Variants in DNAJC3 observed in about 807,000 individuals in gnomAD.
DNAJC3 encodes DnaJ heat shock protein family (Hsp40) member C3.
DNAJC3 carries 38 observed loss-of-function variants against 68.6 expected under a neutral mutation model. That is an observed-to-expected ratio of 0.55 (90% CI 0.43 to 0.73). DNAJC3 has a LOEUF of 0.73. Among genes scored for constraint, DNAJC3 ranks in the 30% least tolerant of loss-of-function variants. The pLI is 0.00. For synonymous variants in DNAJC3, 203 were observed against 204.0 expected (o/e 1.00, Z 0.04); for missense variants, 526 against 591.9 (o/e 0.89, Z 1.16).
In DNAJC3 at chr13:95,765,642, G is replaced by T. The variant is rs989823344; in HGVS notation, c.1075+1689G>T. On this transcript the variant is annotated intron_variant, in intron 9 of 11. Transcript: ENST00000602402. ...GCTGGAGTGCAGTGGCACAATCTTG[G>T]CTCACTGCAACCTCCACCTCCCAAT... Among the ~76,000 whole-genome samples, 3 of 148,360 alleles carry T rather than the reference G, an allele frequency of 2.0e-5. No homozygotes were observed. The East Asian group carries it at 5.9e-4, about 29-fold the overall frequency.
chr13:95,727,459 A>AT (rs909869053), intron 4 of DNAJC3, among the ~76,000 whole-genome samples: 8 of 152,078 alleles, frequency 5.3e-5, no homozygotes, highest in East Asian at 1.9e-4. Context: ...AAAGCAAACT[A>AT]TTTTTTTAGC....
At chr13:95,686,300 G>C (rs986538248) in intron 1 of DNAJC3, among the ~76,000 whole-genome samples, 2 of 152,172 alleles carry the variant, frequency 1.3e-5, no homozygotes, top group African/African-American at 2.4e-5. Context: ...TTTTCTTCTT[G>C]TTGAGTTGTT....
intron 4 of DNAJC3, among the ~76,000 whole-genome samples, chr13:95,737,508 T>A (rs1252269564): frequency 1.3e-5 from 2 of 151,804 alleles, no homozygotes; most frequent in African/African-American, 4.9e-5. Flanking sequence ...CTCCTGTTAT[T>A]GGTCTATTCA....
intron 2 of DNAJC3, 67 bp downstream of exon 2, chr13:95,709,404 A>T: frequency 9.3e-7 from 1 of 1,077,434 alleles, no homozygotes; most frequent in Non-Finnish European, 1.3e-6. Flanking sequence ...CTCTTTTTTT[A>T]AAAATAACAT....
At chr13:95,755,395 G>A (rs1882622499) in intron 4 of DNAJC3, among the ~76,000 whole-genome samples, 1 of 151,976 alleles carries the variant, frequency 6.6e-6, no homozygotes, top group Admixed American at 6.6e-5. Flanking sequence ...AGATTGCAGT[G>A]AGCTAAGAAC....
At chr13:95,712,319 C>T (rs369875454) in intron 2 of DNAJC3, among the ~76,000 whole-genome samples, 6 of 151,946 alleles carry the variant, frequency 3.9e-5, no homozygotes, top group Middle Eastern at 3.4e-3. Context: ...CAAGGATACC[C>T]ACTATTACTA....
At chr13:95,751,352 A>G (rs548976561) in intron 4 of DNAJC3, among the ~76,000 whole-genome samples, 29 of 152,376 alleles carry the variant, frequency 1.9e-4, no homozygotes, top group African/African-American at 6.5e-4. Flanking sequence ...TGAGAAGTTG[A>G]CATATGAGCT....
intron 9 of DNAJC3, among the ~76,000 whole-genome samples, chr13:95,776,001 A>G (rs943628111): frequency 1.3e-5 from 2 of 151,780 alleles, no homozygotes; most frequent in African/African-American, 4.8e-5. Context: ...ATATATATAT[A>G]TACTTTTTTT....
At chr13:95,707,796 G>A (rs1880804357) in intron 1 of DNAJC3, among the ~76,000 whole-genome samples, 1 of 152,190 alleles carries the variant, frequency 6.6e-6, no homozygotes, top group African/African-American at 2.4e-5. Context: ...CTTGCAAGAG[G>A]GGTCCCCTCT....
At chr13:95,725,290 T>G in intron 4 of DNAJC3, 38 bp downstream of exon 4, 1 of 1,471,546 alleles carries the variant, frequency 6.8e-7, no homozygotes, top group Non-Finnish European at 9.2e-7. Flanking sequence ...GAAGATGTTA[T>G]TTTGAGAGAA....
chr13:95,786,958 T>A, intron 10 of DNAJC3, 49 bp from the exon 11 acceptor site: 1 of 1,564,460 alleles, frequency 6.4e-7, no homozygotes. Context: ...TTTATGATAG[T>A]ATGTTAGACA....
intron 4 of DNAJC3, among the ~76,000 whole-genome samples, chr13:95,749,666 G>A (rs1244276141): frequency 6.6e-6 from 1 of 152,144 alleles, no homozygotes; most frequent in Non-Finnish European, 1.5e-5. Flanking sequence ...TAAATGTGAA[G>A]TAGGTAGCTG....
chr13:95,741,876 TG>T (rs1223921317), intron 4 of DNAJC3, among the ~76,000 whole-genome samples: 1 of 152,098 alleles, frequency 6.6e-6, no homozygotes, highest in Non-Finnish European at 1.5e-5. Flanking sequence ...ATAGTGTGCT[TG>T]GGCACTTGGG....
At chr13:95,764,681 TATAC>T (rs1555328247) in intron 9 of DNAJC3, among the ~76,000 whole-genome samples, 26 of 110,016 alleles carry the variant, frequency 2.4e-4, no homozygotes, top group Non-Finnish European at 3.7e-4. Context: ...TATATATATA[TATAC>T]ACACACACAC....
chr13:95,751,751 A>G (rs1882485464), intron 4 of DNAJC3, among the ~76,000 whole-genome samples: 1 of 152,346 alleles, frequency 6.6e-6, no homozygotes, highest in Non-Finnish European at 1.5e-5. Flanking sequence ...GACATACCCG[A>G]CACTGGGTAA....
intron 1 of DNAJC3, among the ~76,000 whole-genome samples, chr13:95,701,934 A>G (rs1278966332): frequency 6.6e-6 from 1 of 152,200 alleles, no homozygotes; most frequent in Non-Finnish European, 1.5e-5. Context: ...TACAGTGTTC[A>G]TCCCTATACC....
intron 4 of DNAJC3, among the ~76,000 whole-genome samples, chr13:95,747,223 A>G (rs117900774): frequency 0.015 from 2,323 of 152,338 alleles, 28 homozygotes; most frequent in Non-Finnish European, 0.025. Context: ...TCTGCCTTCC[A>G]AGAAATGATA....
At position 95,793,662 on chromosome 13, in the gene DNAJC3, C is replaced by G. The variant is rs1883865711; in HGVS notation, c.*2632C>G. On this transcript the variant is annotated 3_prime_UTR_variant, in exon 12 of 12. Transcript: ENST00000602402. Reference sequence around the variant, plus strand: ...TATTTTTAGTAGAAATGGGGTTTCACTGTGTTAGCCAGGATGGTCTTGATC... The same window carrying G: ...TATTTTTAGTAGAAATGGGGTTTCAGTGTGTTAGCCAGGATGGTCTTGATC... The G allele has an allele frequency of 6.6e-6, 1 of 152,276 alleles. No individual in the cohort carries two copies. The allele number at this position is 152,276 out of a possible 1,614,324, so 9.4% of individuals were successfully genotyped here.
chr13:95,778,763 T>C (rs973849842), intron 9 of DNAJC3, among the ~76,000 whole-genome samples: 2 of 152,238 alleles, frequency 1.3e-5, no homozygotes, highest in African/African-American at 4.8e-5. Context: ...TTAGAATTAT[T>C]TTTTAGTAAT....
Sources: allele counts gnomAD v4.1 joint callset (sites outside exome capture counted in the v4.1 genomes callset), GRCh38; gene constraint gnomAD v4.1.1; transcripts MANE v1.5; gene names NCBI Gene and HGNC (gene_info 2026-07-23, HGNC 2026-07-21).